The following KCNK10 variants were observed in gnomAD, a reference collection of about 807,000 sequenced individuals.
KCNK10 encodes the protein potassium two pore domain channel subfamily K member 10.
KCNK10 carries 25 observed loss-of-function variants against 47.7 expected under a neutral mutation model. The ratio of observed to expected loss-of-function variants is 0.52; its 90% CI spans 0.38 to 0.73. The LOEUF is 0.73. Among genes scored for constraint, KCNK10 ranks in the 30% least tolerant of loss-of-function variants. KCNK10 has a pLI of 0.00. For synonymous variants in KCNK10, 303 were observed against 285.6 expected (o/e 1.06, Z -0.61); for missense variants, 563 against 714.5 (o/e 0.79, Z 2.42).
intron 1 of KCNK10, among the ~76,000 whole-genome samples, chr14:88,302,198 G>A (rs1888115112): frequency 6.6e-6 from 1 of 152,130 alleles, no homozygotes; most frequent in African/African-American, 2.4e-5. Flanking sequence ...AATGAGATGG[G>A]AAACTCATTC....
At chr14:88,246,056 T>C (rs1261370141) in intron 2 of KCNK10, among the ~76,000 whole-genome samples, 2 of 151,874 alleles carry the variant, frequency 1.3e-5, no homozygotes, top group Non-Finnish European at 2.9e-5. Context: ...ATGTGGAAAG[T>C]GGTTTCTAAA....
intron 1 of KCNK10, among the ~76,000 whole-genome samples, chr14:88,304,732 T>G (rs1888172660): frequency 6.6e-6 from 1 of 152,244 alleles, no homozygotes; most frequent in African/African-American, 2.4e-5. Flanking sequence ...TGTTCCTAAG[T>G]GCAAGATGCG....
intron 1 of KCNK10, among the ~76,000 whole-genome samples, chr14:88,286,100 A>T (rs978724560): frequency 1.3e-5 from 2 of 152,172 alleles, no homozygotes; most frequent in East Asian, 3.9e-4. Flanking sequence ...GCCAACAGCC[A>T]CGCTGAGATC....
chr14:88,256,679 T>A (rs374778273), intron 2 of KCNK10, among the ~76,000 whole-genome samples: 1 of 152,174 alleles, frequency 6.6e-6, no homozygotes, highest in Non-Finnish European at 1.5e-5. Context: ...AAAATTTTTC[T>A]ATGAGAAAAT....
At chr14:88,306,448 G>A (rs1232010344) in intron 1 of KCNK10, among the ~76,000 whole-genome samples, 2 of 152,176 alleles carry the variant, frequency 1.3e-5, no homozygotes, top group African/African-American at 4.8e-5. Context: ...GAACAGAGCA[G>A]GACAAAAGTA....
At chr14:88,267,670 C>A (rs1566709175) in intron 1 of KCNK10, among the ~76,000 whole-genome samples, 1 of 152,170 alleles carries the variant, frequency 6.6e-6, no homozygotes, top group Non-Finnish European at 1.5e-5. Context: ...CCGCATCCAG[C>A]CAAGTTGGAT....
At chr14:88,192,439 A>T in intron 4 of KCNK10, 29 bp from the exon 5 acceptor site, 1 of 1,593,908 alleles carries the variant, frequency 6.3e-7, no homozygotes, top group Non-Finnish European at 8.6e-7. Flanking sequence ...AAAGATAGGC[A>T]AGTCAGCGGC....
At chr14:88,237,654 G>A (rs1886334976) in intron 3 of KCNK10, among the ~76,000 whole-genome samples, 2 of 152,156 alleles carry the variant, frequency 1.3e-5, no homozygotes, top group African/African-American at 4.8e-5. Context: ...CAGAGCTCTC[G>A]GGTGACTAGG....
chr14:88,270,780 C>T (rs1447467721), intron 1 of KCNK10: 1 of 781,080 alleles, frequency 1.3e-6, no homozygotes, highest in South Asian at 1.3e-5. Flanking sequence ...CCCTTAAATC[C>T]ATCCTCCATA....
At chr14:88,189,785 G>A (rs753599081) in intron 5 of KCNK10, among the ~76,000 whole-genome samples, 3 of 152,188 alleles carry the variant, frequency 2.0e-5, no homozygotes, top group African/African-American at 7.2e-5. Context: ...TTAATGTATC[G>A]TTTTCCAATG....
At chr14:88,189,460 C>T (rs1051435041) in intron 5 of KCNK10, among the ~76,000 whole-genome samples, 1 of 152,158 alleles carries the variant, frequency 6.6e-6, no homozygotes, top group Non-Finnish European at 1.5e-5. Flanking sequence ...TAGCTTTCTC[C>T]TGTGGGCTAT....
intron 4 of KCNK10, among the ~76,000 whole-genome samples, chr14:88,222,711 TAA>T (rs937404762): frequency 3.9e-5 from 6 of 152,288 alleles, no homozygotes; most frequent in African/African-American, 1.4e-4. Context: ...GCAACTGCTC[TAA>T]AAAAAGATAA....
At chr14:88,258,691 A>AT (rs964064401) in intron 2 of KCNK10, among the ~76,000 whole-genome samples, 1 of 152,198 alleles carries the variant, frequency 6.6e-6, no homozygotes, top group Non-Finnish European at 1.5e-5. Flanking sequence ...AGATGAATGA[A>AT]TGACTAAATG....
chr14:88,213,791 C>T (rs1885532294), intron 4 of KCNK10, among the ~76,000 whole-genome samples: 1 of 151,730 alleles, frequency 6.6e-6, no homozygotes, highest in Non-Finnish European at 1.5e-5. Context: ...GCTAAAATGG[C>T]TCTTAAAAGG....
chr14:88,226,818 G>A (rs1419082160), intron 4 of KCNK10, among the ~76,000 whole-genome samples: 1 of 152,212 alleles, frequency 6.6e-6, no homozygotes, highest in Non-Finnish European at 1.5e-5. Flanking sequence ...ATCATCAACA[G>A]TTCAGTAGGA....
Position 88,241,831 on chromosome 14 carries a change from C to T in KCNK10, c.403-1011G>A, listed in dbSNP as rs141934669. On this transcript the variant is annotated intron_variant, in intron 2 of 6. Transcript: ENST00000319231. ...CATACTTCGGCAACAATTAAAGATACGCTAAAAATCCCTCCCTAGCCTCAT... is the reference window on the plus strand; with the variant it reads ...CATACTTCGGCAACAATTAAAGATATGCTAAAAATCCCTCCCTAGCCTCAT... Among the ~76,000 whole-genome samples the T allele has an allele frequency of 3.5e-3, 530 of 152,274 alleles. 3 individuals carry two copies. Among genetic ancestry groups the T allele is most frequent in the African/African-American group, 0.012 (512 of 41,554 alleles).
chr14:88,312,875 T>A (rs1266214575), intron 1 of KCNK10, among the ~76,000 whole-genome samples: 1 of 152,220 alleles, frequency 6.6e-6, no homozygotes. Flanking sequence ...TATACATAAA[T>A]CATCATCATG....
At chr14:88,200,738 C>T (rs891174118) in intron 4 of KCNK10, among the ~76,000 whole-genome samples, 3 of 152,110 alleles carry the variant, frequency 2.0e-5, no homozygotes, top group African/African-American at 7.2e-5. Context: ...TATCATGTAC[C>T]TACTCTCTGT....
At chr14:88,200,369 G>A (rs1387719526) in intron 4 of KCNK10, among the ~76,000 whole-genome samples, 2 of 152,114 alleles carry the variant, frequency 1.3e-5, no homozygotes, top group African/African-American at 4.8e-5. Context: ...GAAAAAAATT[G>A]GGGTACAGAA....
Sources: allele counts gnomAD v4.1 joint callset (sites outside exome capture counted in the v4.1 genomes callset), GRCh38; gene constraint gnomAD v4.1.1; transcripts MANE v1.5; gene names NCBI Gene and HGNC (gene_info 2026-07-23, HGNC 2026-07-21).